Variants in DNAH6 observed in about 807,000 individuals in gnomAD.
DNAH6 encodes the protein dynein axonemal heavy chain 6, also known as axonemal beta dynein heavy chain 6.
In DNAH6, 340 loss-of-function variants were observed where a neutral mutation model predicts 491.4. The ratio of observed to expected loss-of-function variants is 0.69; its 90% CI spans 0.63 to 0.76. The LOEUF (loss-of-function observed/expected upper bound fraction) is 0.76. DNAH6 is among the 30% of genes least tolerant of loss of function. The probability of loss-of-function intolerance (pLI) is 0.00; values close to 1 mark genes in which losing one functional copy is unlikely to be tolerated. For synonymous variants in DNAH6, 1,603 were observed against 1,686.1 expected (o/e 0.95, Z 1.21); for missense variants, 4,443 against 4,972.2 (o/e 0.89, Z 3.20).
chr2:84,525,107 T>C (rs1334518829), intron 2 of DNAH6, among the ~76,000 whole-genome samples: 1 of 152,104 alleles, frequency 6.6e-6, no homozygotes, highest in Non-Finnish European at 1.5e-5. Flanking sequence ...TTTATTGCCA[T>C]AATTTTCAGT....
rs1446793803 is a variant in DNAH6 at position 84,745,139 on chromosome 2, G to A, written c.10402G>A (p.Glu3468Lys). The A allele has an allele frequency of 4.5e-6, 7 of 1,546,606 alleles. No individual in the cohort carries two copies. The highest frequency in any genetic ancestry group is 1.2e-5 in the South Asian group (1 of 83,206). Reference sequence around the variant, plus strand: ...GGAAGGCTATTCTAAAATGAAACACGAAGATAAACACATGAGACAGGAAAA... The same window carrying A: ...GGAAGGCTATTCTAAAATGAAACACAAAGATAAACACATGAGACAGGAAAA... ...KWEGYSKMKH[E>K]DKHMRQEKEA... is the part of the protein sequence containing the mutation. Residue 3468 changes from glutamate (E) to lysine (K), a missense_variant, in exon 63 of 77, where the codon GAA (glutamate) becomes AAA (lysine). Transcript: ENST00000389394.
intron 64 of DNAH6, among the ~76,000 whole-genome samples, chr2:84,776,579 G>A (rs1676144460): frequency 6.6e-6 from 1 of 152,212 alleles, no homozygotes; most frequent in Non-Finnish European, 1.5e-5. Context: ...AGGTCTTCTA[G>A]TTCTAGATCC....
chr2:84,651,047 G>T (rs964253287), intron 33 of DNAH6, among the ~76,000 whole-genome samples: 1 of 152,126 alleles, frequency 6.6e-6, no homozygotes, highest in Non-Finnish European at 1.5e-5. Context: ...GGGAGTTCCA[G>T]CTCCCTGGCA....
chr2:84,659,580 A>T (rs1691292958), intron 37 of DNAH6, among the ~76,000 whole-genome samples: 2 of 152,300 alleles, frequency 1.3e-5, no homozygotes, highest in African/African-American at 2.4e-5. Flanking sequence ...TAGAGAAGGG[A>T]TTTACAAATA....
the DNAH6 span, among the ~76,000 whole-genome samples, chr2:84,480,821 A>G: frequency 6.6e-6 from 1 of 152,060 alleles, no homozygotes; most frequent in South Asian, 2.1e-4. Context: ...AAATTAGCTG[A>G]GCATGGTGAC....
Position 84,688,305 on chromosome 2 carries a change from G to A in DNAH6, c.7138-134G>A, listed in dbSNP as rs894021925. On this transcript the variant is annotated intron_variant, in intron 44 of 76. Transcript: ENST00000389394. ...AGAAAAATCAAAACCCTATTTCTGA[G>A]CTCCTATGTAAATTTTATTGCAAAG... The A allele has an allele frequency of 9.6e-6, 6 of 624,350 alleles. No homozygotes were observed. In the South Asian group the frequency reaches 1.8e-4, roughly 19 times the overall value. 38.7% of individuals were successfully genotyped at this position (624,350 alleles called of 1,614,324 possible).
chr2:84,527,695 G>T (rs73945105), intron 3 of DNAH6, among the ~76,000 whole-genome samples: 2 of 152,198 alleles, frequency 1.3e-5, no homozygotes, highest in South Asian at 4.1e-4. Flanking sequence ...TACCTTTTAC[G>T]TTCAAAGATG....
chr2:84,686,572 T>A lies in DNAH6; in HGVS notation c.7137+15T>A. The A allele has an allele frequency of 7.3e-7, 1 of 1,376,424 alleles. No individual in the cohort carries two copies. 85.3% of individuals were successfully genotyped at this position (1,376,424 alleles called of 1,614,324 possible). A position where few individuals can be genotyped will look rare whatever the true frequency, so the allele number is the denominator to read the frequency against. On this transcript the variant is annotated intron_variant, in intron 44 of 76. Coordinates refer to ENST00000389394, the MANE Select transcript of DNAH6 (RefSeq NM_001370.2). ...ATTTCATTAAGGCAAGTATGTTAGATTGACTTGACCTCATTTGAAAATTGT... is the reference window on the plus strand; with the variant it reads ...ATTTCATTAAGGCAAGTATGTTAGAATGACTTGACCTCATTTGAAAATTGT...
intron 40 of DNAH6, among the ~76,000 whole-genome samples, chr2:84,672,930 T>C (rs1014171124): frequency 1.3e-5 from 2 of 152,184 alleles, no homozygotes; most frequent in African/African-American, 4.8e-5. Context: ...TCCATGTAAT[T>C]CAGTGTATTC....
chr2:84,649,135 C>G (rs954136364), intron 33 of DNAH6, among the ~76,000 whole-genome samples: 4 of 152,286 alleles, frequency 2.6e-5, no homozygotes, highest in Non-Finnish European at 4.4e-5. Context: ...ATTTTTTAGA[C>G]ATAATGCTAT....
intron 4 of DNAH6, among the ~76,000 whole-genome samples, chr2:84,540,027 C>G (rs1678088447): frequency 6.6e-6 from 1 of 152,048 alleles, no homozygotes; most frequent in African/African-American, 2.4e-5. Flanking sequence ...ATGAATACAC[C>G]CAAATCATAA....
the DNAH6 span, among the ~76,000 whole-genome samples, chr2:84,510,270 G>T: frequency 1.3e-5 from 2 of 152,036 alleles, no homozygotes; most frequent in Non-Finnish European, 2.9e-5. Flanking sequence ...GGCTTTGTTC[G>T]TTTCTTTTTA....
At chr2:84,617,357 C>T (rs1686958799) in intron 23 of DNAH6, among the ~76,000 whole-genome samples, 1 of 151,950 alleles carries the variant, frequency 6.6e-6, no homozygotes, top group African/African-American at 2.4e-5. Flanking sequence ...ACAAACAATC[C>T]AGTTATACTC....
At chr2:84,583,227 A>G (rs1683210327) in intron 14 of DNAH6, among the ~76,000 whole-genome samples, 1 of 152,254 alleles carries the variant, frequency 6.6e-6, no homozygotes, top group Admixed American at 6.5e-5. Context: ...TAACCTATGC[A>G]GCCAAGTCCA....
chr2:84,541,077 T>G (rs1015032274), intron 4 of DNAH6, among the ~76,000 whole-genome samples: 2 of 152,176 alleles, frequency 1.3e-5, no homozygotes, highest in Non-Finnish European at 2.9e-5. Flanking sequence ...AAGGCCTTAG[T>G]GGAACAAACA....
intron 48 of DNAH6, 73 bp from the exon 49 acceptor site, chr2:84,701,024 G>A: frequency 6.7e-7 from 1 of 1,490,338 alleles, no homozygotes. Flanking sequence ...CGAGAAATAT[G>A]TTTTTCTTGG....
chr2:84,798,936 G>A (rs1407871455), intron 70 of DNAH6, among the ~76,000 whole-genome samples: 1 of 151,872 alleles, frequency 6.6e-6, no homozygotes, highest in Admixed American at 6.6e-5. Context: ...GAAGAATATG[G>A]CATAGGTTTG....
chr2:84,594,135 C>A, intron 17 of DNAH6, 50 bp downstream of exon 17: 2 of 987,356 alleles, frequency 2.0e-6, no homozygotes, highest in Non-Finnish European at 3.1e-6. Flanking sequence ...ATGAATTAAT[C>A]TTAAAATTCT....
At chr2:84,460,785 T>C in the DNAH6 span, among the ~76,000 whole-genome samples, 1 of 152,232 alleles carries the variant, frequency 6.6e-6, no homozygotes, top group Non-Finnish European at 1.5e-5. Flanking sequence ...CAGGTCTCAC[T>C]AACGCAGGCC....
Sources: gnomAD v4.1 joint callset for allele counts (sites outside exome capture counted in the v4.1 genomes callset) on GRCh38, gnomAD v4.1.1 for gene constraint, MANE v1.5 for transcripts, NCBI Gene and HGNC (gene_info 2026-07-23, HGNC 2026-07-21) for gene names.